Variants in GLRB observed in about 807,000 individuals in gnomAD.
The protein encoded by GLRB is glycine receptor beta.
Under a neutral mutation model 54.2 loss-of-function variants are expected in GLRB, and 33 were observed. The ratio of observed to expected loss-of-function variants is 0.61; its 90% CI spans 0.46 to 0.81. The LOEUF (loss-of-function observed/expected upper bound fraction) is 0.81, where lower values mean the gene tolerates loss of function less well. GLRB is among the 40% of genes least tolerant of loss of function. The pLI is 0.00. For synonymous variants in GLRB, 209 were observed against 208.2 expected (o/e 1.00, Z -0.03); for missense variants, 572 against 584.6 (o/e 0.98, Z 0.22).
intron 9 of GLRB, among the ~76,000 whole-genome samples, chr4:157,153,258 G>C (rs1737096652): frequency 6.6e-6 from 1 of 152,124 alleles, no homozygotes; most frequent in South Asian, 2.1e-4. Context: ...TGAGGACTTT[G>C]CACTGAGTTT....
At position 157,078,017 on chromosome 4, in the gene GLRB, T is replaced by A. The variant is rs748392852; in HGVS notation, c.-8T>A. On this transcript the variant is annotated 5_prime_UTR_variant, in exon 2 of 10. Coordinates refer to ENST00000264428, the MANE Select transcript of GLRB (RefSeq NM_000824.5). ...GTAGATCGATCTTCTGAAATTCAAG[T>A]TTTCAAGATGAAGTTTTTATTGACA... The A allele has an allele frequency of 1.2e-6, 2 of 1,607,426 alleles. No homozygotes were observed. Among genetic ancestry groups the A allele is most frequent in the Non-Finnish European group, 1.7e-6 (2 of 1,174,762 alleles).
chr4:157,136,823 T>C lies in GLRB; in HGVS notation c.547T>C (p.Cys183Arg), dbSNP rs1358185168. 10 of 1,609,368 alleles carry C rather than the reference T, an allele frequency of 6.2e-6. No individual in the cohort carries two copies. Among genetic ancestry groups the C allele is most frequent in the South Asian group, 1.1e-5 (1 of 90,996 alleles). The change falls in exon 6 of 10, where the codon TGC becomes CGC. Residue 183 changes from cysteine (C) to arginine (R), a missense_variant. Transcript: ENST00000264428. ...TTCCAGGTTATCTATTACTCTTTCATGCCCTTTGGACTTGACATTGTTTCC... is the reference window on the plus strand; with the variant it reads ...TTCCAGGTTATCTATTACTCTTTCACGCCCTTTGGACTTGACATTGTTTCC... Reference protein sequence around the residue: ...VSMRLSITLSCPLDLTLFPMD... With the variant: ...VSMRLSITLSRPLDLTLFPMD...
intron 3 of GLRB, among the ~76,000 whole-genome samples, chr4:157,121,513 A>G (rs1319515544): frequency 6.6e-6 from 1 of 151,052 alleles, no homozygotes; most frequent in Non-Finnish European, 1.5e-5. Flanking sequence ...CTTCTAGTCA[A>G]CTGAAGTTAT....
chr4:157,122,020 G>A (rs1735841068), intron 3 of GLRB, among the ~76,000 whole-genome samples: 1 of 149,630 alleles, frequency 6.7e-6, no homozygotes, highest in South Asian at 2.1e-4. Flanking sequence ...AATGTATTAG[G>A]GCAATTTAAA....
At chr4:157,103,167 A>C (rs998820485) in intron 2 of GLRB, among the ~76,000 whole-genome samples, 5 of 151,934 alleles carry the variant, frequency 3.3e-5, no homozygotes, top group East Asian at 1.9e-4. Context: ...CAAAAAAAAA[A>C]AAAAAAGAAA....
chr4:157,077,868 G>C (rs552837557), intron 1 of GLRB, 128 bp from the exon 2 acceptor site: 2 of 611,028 alleles, frequency 3.3e-6, no homozygotes, highest in South Asian at 3.9e-5. Context: ...ACATAGGACT[G>C]AGCAATGAGG....
At chr4:157,168,948 G>A (rs1737817820) in intron 9 of GLRB, among the ~76,000 whole-genome samples, 1 of 151,880 alleles carries the variant, frequency 6.6e-6, no homozygotes, top group South Asian at 2.1e-4. Flanking sequence ...GGGCATTTTT[G>A]CTATCCACCT....
At chr4:157,098,325 C>T (rs1018421908) in intron 2 of GLRB, among the ~76,000 whole-genome samples, 6 of 152,006 alleles carry the variant, frequency 3.9e-5, no homozygotes, top group African/African-American at 1.4e-4. Flanking sequence ...AATGAAAAGA[C>T]AAATCCAAAC....
At chr4:157,101,846 C>T (rs146171458) in intron 2 of GLRB, among the ~76,000 whole-genome samples, 1,353 of 119,746 alleles carry the variant, frequency 0.011, 30 homozygotes, top group African/African-American at 0.041. Flanking sequence ...TGGGTGGGGG[C>T]GGTTGTTAAA....
At chr4:157,158,733 A>C (rs1737339175) in intron 9 of GLRB, among the ~76,000 whole-genome samples, 1 of 152,180 alleles carries the variant, frequency 6.6e-6, no homozygotes, top group Non-Finnish European at 1.5e-5. Flanking sequence ...TGGTTACTGT[A>C]GCCTTGTAGT....
At chr4:157,143,215 C>T (rs1297359192) in intron 7 of GLRB, among the ~76,000 whole-genome samples, 1 of 152,110 alleles carries the variant, frequency 6.6e-6, no homozygotes, top group Non-Finnish European at 1.5e-5. Flanking sequence ...CCGATGTTTG[C>T]ACCATATACA....
At chr4:157,114,172 A>G (rs1735519467) in intron 2 of GLRB, among the ~76,000 whole-genome samples, 1 of 151,912 alleles carries the variant, frequency 6.6e-6, no homozygotes, top group Non-Finnish European at 1.5e-5. Flanking sequence ...TTTACAGACC[A>G]GTAGCAGTGT....
intron 7 of GLRB, among the ~76,000 whole-genome samples, chr4:157,142,772 G>A (rs1736664829): frequency 6.6e-6 from 1 of 151,950 alleles, no homozygotes; most frequent in Non-Finnish European, 1.5e-5. Flanking sequence ...ATTATATAGA[G>A]TTTAAACAGA....
chr4:157,128,770 G>GT (rs962712481), intron 4 of GLRB, among the ~76,000 whole-genome samples: 1 of 151,732 alleles, frequency 6.6e-6, no homozygotes. Flanking sequence ...TAACCTAAGA[G>GT]TTTTTACAGG....
chr4:157,132,932 A>G (rs1338451497), intron 4 of GLRB, among the ~76,000 whole-genome samples: 3 of 151,896 alleles, frequency 2.0e-5, no homozygotes, highest in Non-Finnish European at 4.4e-5. Context: ...AAAATCTCAG[A>G]TTTGTTTTCT....
intron 2 of GLRB, among the ~76,000 whole-genome samples, chr4:157,085,223 A>G (rs1035688606): frequency 6.6e-6 from 1 of 151,872 alleles, no homozygotes; most frequent in Non-Finnish European, 1.5e-5. Flanking sequence ...TTTTTTCACT[A>G]CATCTGCTCT....
intron 3 of GLRB, among the ~76,000 whole-genome samples, chr4:157,121,580 T>C (rs962025985): frequency 1.3e-4 from 20 of 151,642 alleles, no homozygotes; most frequent in Non-Finnish European, 3.0e-4. Flanking sequence ...TCAGTTACTT[T>C]CAACAACAGC....
At chr4:157,170,344 A>T in intron 9 of GLRB, 88 bp from the exon 10 acceptor site, 1 of 774,284 alleles carries the variant, frequency 1.3e-6, no homozygotes, top group East Asian at 2.5e-5. Flanking sequence ...TTCTTGTAGA[A>T]ACTAGCAATT....
intron 4 of GLRB, among the ~76,000 whole-genome samples, chr4:157,129,075 T>G (rs1736119292): frequency 6.6e-6 from 1 of 151,896 alleles, no homozygotes; most frequent in Non-Finnish European, 1.5e-5. Context: ...TATAGTGTCT[T>G]GTTGTGAAAT....
Sources: gnomAD v4.1 joint callset for allele counts (sites outside exome capture counted in the v4.1 genomes callset) on GRCh38, gnomAD v4.1.1 for gene constraint, MANE v1.5 for transcripts, NCBI Gene and HGNC (gene_info 2026-07-23, HGNC 2026-07-21) for gene names.